Variants in CPLX2 observed in about 807,000 individuals in gnomAD.
CPLX2 encodes complexin 2, also known as complexin-2.
CPLX2 carries 5 observed loss-of-function variants against 16.3 expected under a neutral mutation model. That is an observed-to-expected ratio of 0.31 (90% CI 0.16 to 0.64). CPLX2 has a LOEUF of 0.64. Among genes scored for constraint, CPLX2 ranks in the 30% least tolerant of loss-of-function variants. The probability of loss-of-function intolerance (pLI) is 0.79; values close to 1 mark genes in which losing one functional copy is unlikely to be tolerated. For synonymous variants in CPLX2, 89 were observed against 73.2 expected (o/e 1.22, Z -1.10); for missense variants, 144 against 181.4 (o/e 0.79, Z 1.18).
chr5:175,836,149 A>G (rs184657779), intron 2 of CPLX2, among the ~76,000 whole-genome samples: 8,373 of 152,006 alleles, frequency 0.055, 283 homozygotes, highest in South Asian at 0.081. Flanking sequence ...AGGAGATCGA[A>G]ACCATCCTGG....
In CPLX2 at chr5:175,882,278, G is replaced by A. The variant is rs1197151956; in HGVS notation, c.*2233G>A. 6.6e-6 allele frequency: 1 copy of A among 152,496 alleles called. No homozygotes were observed. The highest frequency in any genetic ancestry group is 6.5e-5 in the Admixed American group (1 of 15,272). 9.4% of individuals were successfully genotyped at this position (152,496 alleles called of 1,614,324 possible). A position where few individuals can be genotyped will look rare whatever the true frequency, so the allele number is the denominator to read the frequency against. On this transcript the variant is annotated 3_prime_UTR_variant, in exon 4 of 4. Coordinates refer to ENST00000393745, the MANE Select transcript of CPLX2 (RefSeq NM_001008220.2). Reference sequence around the variant, plus strand: ...AGGATGGTCATTCTCAAAAACCCTGGGGTCCTGGGCCAGAGACAGGCAGGG... The same window carrying A: ...AGGATGGTCATTCTCAAAAACCCTGAGGTCCTGGGCCAGAGACAGGCAGGG...
chr5:175,860,026 C>T (rs1278414742), intron 2 of CPLX2, among the ~76,000 whole-genome samples: 2 of 152,224 alleles, frequency 1.3e-5, no homozygotes, highest in South Asian at 4.1e-4. Flanking sequence ...TGAGCAGAGC[C>T]GGGACCTGGG....
intron 2 of CPLX2, among the ~76,000 whole-genome samples, chr5:175,865,084 G>GCACA (rs765539459): frequency 0.063 from 1,552 of 24,804 alleles, 26 homozygotes; most frequent in African/African-American, 0.15. Context: ...ACGCATGTGC[G>GCACA]CGCGCGCACA....
chr5:175,857,991 T>C (rs1417602441), intron 2 of CPLX2, among the ~76,000 whole-genome samples: 1 of 152,222 alleles, frequency 6.6e-6, no homozygotes, highest in Non-Finnish European at 1.5e-5. Context: ...GTGCATACAC[T>C]GTCTCAGCCC....
chr5:175,814,226 A>G lies in CPLX2; in HGVS notation c.-89+5158A>G, dbSNP rs1028913327. On this transcript the variant is annotated intron_variant, in intron 2 of 4. Coordinates refer to the CPLX2 transcript ENST00000359546. ...CAGGCCCCACCACAGCCTCCGGGGC[A>G]GTCCTCACCCTGGGGAGGGCAAAGG... 2.0e-5 allele frequency among the ~76,000 whole-genome samples: 3 copies of G among 152,350 alleles called. No individual in the cohort carries two copies. In the East Asian group the frequency reaches 5.8e-4, roughly 29 times the overall value.
chr5:175,825,571 A>G (rs1758597412), intron 2 of CPLX2, among the ~76,000 whole-genome samples: 1 of 151,956 alleles, frequency 6.6e-6, no homozygotes, highest in African/African-American at 2.4e-5. Flanking sequence ...GGAAAACTTT[A>G]CCCTGTTCTT....
intron 3 of CPLX2, 158 bp from the exon 4 acceptor site, chr5:175,879,690 C>G (rs1452068885): frequency 4.1e-6 from 3 of 738,176 alleles, no homozygotes; most frequent in Non-Finnish European, 7.3e-6. Context: ...CAGGCACCAT[C>G]CTACAGGGAA....
intron 2 of CPLX2, among the ~76,000 whole-genome samples, chr5:175,818,382 C>T (rs950965926): frequency 6.6e-6 from 1 of 152,122 alleles, no homozygotes; most frequent in African/African-American, 2.4e-5. Context: ...TGCAGACAGC[C>T]ACAGAGCAGA....
chr5:175,833,830 C>T (rs905842949), intron 2 of CPLX2, among the ~76,000 whole-genome samples: 1 of 152,182 alleles, frequency 6.6e-6, no homozygotes, highest in Non-Finnish European at 1.5e-5. Context: ...ACCGCAGGCT[C>T]GGCTGCTACC....
chr5:175,798,579 C>G (rs757655478), intron 1 of CPLX2, among the ~76,000 whole-genome samples: 6 of 152,172 alleles, frequency 3.9e-5, no homozygotes, highest in Non-Finnish European at 8.8e-5. Context: ...TGTGAAGTCC[C>G]AGCCACCAAG....
rs1755586362 is a variant in CPLX2, at chr5:175,881,188, T to A, written c.*1143T>A. On this transcript the variant is annotated 3_prime_UTR_variant, in exon 4 of 4. Coordinates refer to ENST00000393745, the MANE Select transcript of CPLX2 (RefSeq NM_001008220.2). ...AGAGGGGTCACATGAGGGAGGAAAC[T>A]GTATCCATGCATGCATGATAATGCG... The A allele has an allele frequency of 6.5e-6, 1 of 153,228 alleles. No homozygotes were observed. Among genetic ancestry groups the A allele is most frequent in the Admixed American group, 6.5e-5 (1 of 15,296 alleles). The allele number at this position is 153,228 out of a possible 1,614,324, so 9.5% of individuals were successfully genotyped here.
At position 175,809,284 on chromosome 5, in the gene CPLX2, C is replaced by T. The variant is rs1022464148; in HGVS notation, c.-89+216C>T. On this transcript the variant is annotated intron_variant, in intron 2 of 4. Transcript: ENST00000359546. The surrounding 1 kb of genome is among the most constrained non-coding windows in gnomAD (Gnocchi z 4.4). ...AGAGAAGCACTTTCTTGTGCAATGCCTTATTCAGTGCTCCCCAAAAAACCT... is the reference window on the plus strand; with the variant it reads ...AGAGAAGCACTTTCTTGTGCAATGCTTTATTCAGTGCTCCCCAAAAAACCT... The T allele has an allele frequency of 1.3e-5, 2 of 152,132 alleles. No individual in the cohort carries two copies. Among genetic ancestry groups the T allele is most frequent in the African/African-American group, 4.8e-5 (2 of 41,410 alleles). 9.4% of individuals were successfully genotyped at this position (152,132 alleles called of 1,614,324 possible).
chr5:175,853,651 C>T lies in CPLX2; in HGVS notation c.-88-25001C>T, dbSNP rs142573868. Among the ~76,000 whole-genome samples the T allele has an allele frequency of 2.5e-4, 38 of 152,172 alleles. 1 individual carries two copies. The highest frequency in any genetic ancestry group is 3.1e-4 in the Non-Finnish European group (21 of 68,026). Reference sequence around the variant, plus strand: ...AGCAACTTGAACCCATAAGAGGAGACGGTACAAAGTCAGCAACTGTCTGCA... The same window carrying T: ...AGCAACTTGAACCCATAAGAGGAGATGGTACAAAGTCAGCAACTGTCTGCA... On this transcript the variant is annotated intron_variant, in intron 2 of 4. Coordinates refer to the CPLX2 transcript ENST00000359546.
chr5:175,876,328 C>T (rs1360348969), intron 1 of CPLX2, among the ~76,000 whole-genome samples: 1 of 151,962 alleles, frequency 6.6e-6, no homozygotes, highest in Non-Finnish European at 1.5e-5. Context: ...TCATTAAAAC[C>T]CCTAGAATGG....
intron 2 of CPLX2, among the ~76,000 whole-genome samples, chr5:175,862,368 T>C (rs563290552): frequency 7.1e-4 from 108 of 152,246 alleles, no homozygotes; most frequent in African/African-American, 2.6e-3. Context: ...TTCCATCCTG[T>C]TTCCCAAATT....
chr5:175,816,680 G>A (rs1047811387), intron 2 of CPLX2, among the ~76,000 whole-genome samples: 2 of 152,212 alleles, frequency 1.3e-5, no homozygotes, highest in African/African-American at 4.8e-5. Flanking sequence ...TGGGGCAGAG[G>A]CAGCCAGGAA....
chr5:175,814,944 G>A (rs1391989642), intron 2 of CPLX2, among the ~76,000 whole-genome samples: 3 of 152,210 alleles, frequency 2.0e-5, no homozygotes, highest in Non-Finnish European at 4.4e-5. Flanking sequence ...CGGCTTGACA[G>A]GACTGCTTCC....
chr5:175,801,850 T>C (rs1758101503), intron 1 of CPLX2, among the ~76,000 whole-genome samples: 1 of 152,170 alleles, frequency 6.6e-6, no homozygotes, highest in Non-Finnish European at 1.5e-5. Flanking sequence ...AGACCAGAGA[T>C]GCCCACCTTG....
At chr5:175,870,278 C>T (rs140537443), upstream of CPLX2, among the ~76,000 whole-genome samples, 25 of 152,292 alleles carry the variant, frequency 1.6e-4, no homozygotes, top group African/African-American at 5.3e-4. Context: ...CTCCAGGTGA[C>T]GAGGATGGGT....
Sources: allele counts gnomAD v4.1 joint callset (sites outside exome capture counted in the v4.1 genomes callset), GRCh38; gene constraint gnomAD v4.1.1; non-coding constraint Gnocchi (gnomAD v3.1); transcripts MANE v1.5; gene names NCBI Gene and HGNC (gene_info 2026-07-23, HGNC 2026-07-21).